ANO3: variants seen among roughly 807,000 people sequenced by gnomAD.
ANO3 encodes the protein anoctamin 3.
Under a neutral mutation model 144.8 loss-of-function variants are expected in ANO3, and 99 were observed. The observed-to-expected ratio is 0.68, with a 90% CI of 0.58 to 0.81. The LOEUF (loss-of-function observed/expected upper bound fraction) is 0.81, where lower values mean the gene tolerates loss of function less well. ANO3 is among the 30% of genes least tolerant of loss of function. The pLI is 0.00. For missense variants in ANO3, 905 were observed against 1,202.2 expected, an observed-to-expected ratio of 0.75 and a Z score of 3.66; for synonymous variants, 414 against 392.6, an observed-to-expected ratio of 1.05 and a Z score of -0.64.
Position 26,272,075 on chromosome 11 carries a change from G to A in ANO3, c.155-37570G>A, listed in dbSNP as rs149532732. On this transcript the variant is annotated intron_variant, in intron 1 of 27. Coordinates refer to the ANO3 transcript ENST00000672621. ...TTGAAAATGCCATGTGATGCTAATC[G>A]TCTCCCGGTGAGCGGTTCCTCTCTC... 2.4e-3 allele frequency among the ~76,000 whole-genome samples: 365 copies of A among 151,968 alleles called. 5 individuals carry two copies. Among genetic ancestry groups the A allele is most frequent in the Admixed American group, 0.02 (305 of 15,252 alleles).
intron 4 of ANO3, among the ~76,000 whole-genome samples, chr11:26,481,390 A>G (rs1860210531): frequency 6.6e-6 from 1 of 152,158 alleles, no homozygotes; most frequent in African/African-American, 2.4e-5. Flanking sequence ...TAATCTTACA[A>G]TCTATCCTCA....
intron 3 of ANO3, among the ~76,000 whole-genome samples, chr11:26,459,041 GGC>G (rs1859270638): frequency 6.6e-6 from 1 of 152,024 alleles, no homozygotes; most frequent in African/African-American, 2.4e-5. Context: ...ACAGAACCCT[GGC>G]TAAAACAGAT....
chr11:26,595,380 TC>T (rs944742520), intron 14 of ANO3, among the ~76,000 whole-genome samples: 15 of 149,716 alleles, frequency 1.0e-4, no homozygotes, highest in African/African-American at 3.7e-4. Flanking sequence ...CCAGATTCAT[TC>T]CCATAAACAA....
intron 14 of ANO3, among the ~76,000 whole-genome samples, chr11:26,573,604 T>A (rs773699445): frequency 4.9e-4 from 75 of 152,204 alleles, no homozygotes; most frequent in Non-Finnish European, 8.8e-5. Context: ...TTAACCATAG[T>A]AATTATGGCT....
intron 14 of ANO3, chr11:26,572,054 A>T: frequency 1.0e-6 from 1 of 984,428 alleles, no homozygotes; most frequent in South Asian, 4.7e-5. Context: ...CAGGCTTAGG[A>T]GGTATTTACA....
chr11:26,377,754 A>G (rs1301625530), intron 1 of ANO3, among the ~76,000 whole-genome samples: 1 of 152,120 alleles, frequency 6.6e-6, no homozygotes, highest in African/African-American at 2.4e-5. Flanking sequence ...ATTTAAGACA[A>G]GAAAAACTCT....
chr11:26,263,632 A>C (rs966866038), intron 1 of ANO3, among the ~76,000 whole-genome samples: 2 of 152,198 alleles, frequency 1.3e-5, no homozygotes, highest in African/African-American at 4.8e-5. Flanking sequence ...TTGAAACCTG[A>C]CTAAGGACTA....
chr11:26,312,153 G>A (rs1427920795), intron 1 of ANO3, among the ~76,000 whole-genome samples: 1 of 152,182 alleles, frequency 6.6e-6, no homozygotes, highest in East Asian at 1.9e-4. Context: ...TTTCATCCAT[G>A]TTCCTACAAA....
At chr11:26,306,195 C>T (rs564600260), upstream of ANO3, among the ~76,000 whole-genome samples, 233 of 147,670 alleles carry the variant, frequency 1.6e-3, no homozygotes, top group Non-Finnish European at 2.1e-3. Flanking sequence ...AGGATGGTCT[C>T]GATCTCCTGA....
chr11:26,259,059 G>A (rs947060417), intron 1 of ANO3, among the ~76,000 whole-genome samples: 4 of 152,136 alleles, frequency 2.6e-5, no homozygotes, highest in Non-Finnish European at 5.9e-5. Context: ...CACAATGAAA[G>A]GTTGATGAAA....
intron 1 of ANO3, among the ~76,000 whole-genome samples, chr11:26,320,801 G>A (rs553040007): frequency 9.3e-4 from 141 of 152,040 alleles, no homozygotes; most frequent in Non-Finnish European, 1.6e-3. Flanking sequence ...CATTTACCTG[G>A]AATCACTTTG....
At chr11:26,542,149 T>C (rs901328033) in intron 11 of ANO3, 81 bp downstream of exon 11, 2 of 1,469,892 alleles carry the variant, frequency 1.4e-6, no homozygotes, top group Non-Finnish European at 1.8e-6. Context: ...TTTATTGTGC[T>C]CACCAGTGAG....
At chr11:26,264,238 A>T (rs1305181616) in intron 1 of ANO3, among the ~76,000 whole-genome samples, 2 of 152,244 alleles carry the variant, frequency 1.3e-5, no homozygotes, top group Non-Finnish European at 2.9e-5. Context: ...GTAACCAGGA[A>T]ATCAATCTAT....
At chr11:26,605,581 T>C (rs1335267483) in intron 17 of ANO3, among the ~76,000 whole-genome samples, 2 of 152,238 alleles carry the variant, frequency 1.3e-5, no homozygotes, top group East Asian at 1.9e-4. Context: ...TGCTAGGCTA[T>C]TAATTACTGC....
chr11:26,289,968 A>G (rs1470677345), intron 1 of ANO3, among the ~76,000 whole-genome samples: 1 of 151,310 alleles, frequency 6.6e-6, no homozygotes, highest in Non-Finnish European at 1.5e-5. Context: ...CTCTTTTCCT[A>G]TTGATTGGAA....
At chr11:26,641,190 T>C (rs1004831023) in intron 21 of ANO3, among the ~76,000 whole-genome samples, 4 of 140,146 alleles carry the variant, frequency 2.9e-5, no homozygotes, top group African/African-American at 1.0e-4. Context: ...TTACTTCCTT[T>C]TCAGGTGTGA....
intron 1 of ANO3, among the ~76,000 whole-genome samples, chr11:26,241,873 A>G (rs1852670498): frequency 6.6e-6 from 1 of 152,192 alleles, no homozygotes; most frequent in Non-Finnish European, 1.5e-5. Flanking sequence ...CCAGGGTCCA[A>G]ACTTTTAATT....
intron 1 of ANO3, among the ~76,000 whole-genome samples, chr11:26,211,301 G>A (rs1055419047): frequency 6.6e-6 from 1 of 152,058 alleles, no homozygotes; most frequent in Non-Finnish European, 1.5e-5. Context: ...TAAGTTCTTT[G>A]AAAATAATGA....
At chr11:26,250,530 T>C (rs1465087672) in intron 1 of ANO3, among the ~76,000 whole-genome samples, 5 of 152,170 alleles carry the variant, frequency 3.3e-5, no homozygotes, top group Non-Finnish European at 5.9e-5. Context: ...GAGCCGATTT[T>C]ATGCCAAAAT....
Sources: gnomAD v4.1 joint callset for allele counts (sites outside exome capture counted in the v4.1 genomes callset) on GRCh38, gnomAD v4.1.1 for gene constraint, MANE v1.5 for transcripts, NCBI Gene and HGNC (gene_info 2026-07-23, HGNC 2026-07-21) for gene names.